The following PDE3A variants were observed in gnomAD, a reference collection of about 807,000 sequenced individuals.
The protein encoded by PDE3A is cGMP-inhibited 3',5'-cyclic phosphodiesterase 3A.
In PDE3A, 43 loss-of-function variants were observed where a neutral mutation model predicts 98.3. The ratio of observed to expected loss-of-function variants is 0.44; its 90% CI spans 0.34 to 0.56. The LOEUF is 0.56. PDE3A is among the 20% of genes least tolerant of loss of function. The pLI, the probability that PDE3A is intolerant of heterozygous loss-of-function variation, is 0.01. For synonymous variants in PDE3A, 663 were observed against 567.9 expected, an observed-to-expected ratio of 1.17 and a Z score of -2.38; for missense variants, 1,427 against 1,440.7, an observed-to-expected ratio of 0.99 and a Z score of 0.15.
intron 15 of PDE3A, among the ~76,000 whole-genome samples, chr12:20,662,190 C>T (rs1189731690): frequency 2.0e-5 from 3 of 152,110 alleles, no homozygotes; most frequent in East Asian, 1.9e-4. Context: ...AGCATGAAAA[C>T]GGACTAATAT....
At chr12:20,508,046 G>A (rs2121105648) in intron 1 of PDE3A, among the ~76,000 whole-genome samples, 1 of 152,076 alleles carries the variant, frequency 6.6e-6, no homozygotes, top group South Asian at 2.1e-4. Context: ...TTTTGTCTTT[G>A]TCATTACCTC....
At chr12:20,478,990 T>C (rs1251462260) in intron 1 of PDE3A, among the ~76,000 whole-genome samples, 3 of 152,210 alleles carry the variant, frequency 2.0e-5, no homozygotes, top group Non-Finnish European at 1.5e-5. Flanking sequence ...AATATATACT[T>C]TGTGACATTT....
chr12:20,687,260 T>G lies in PDE3A; in HGVS notation c.*6989T>G, dbSNP rs189027425. On this transcript the variant is annotated 3_prime_UTR_variant, in exon 16 of 16. Transcript: ENST00000359062. ...TTTCTTTTTAAAATTCCCAACTGAT[T>G]ATGGGTCAAAAACTCCATCTTATAT... is the stretch of plus-strand genomic sequence containing the variant. 1.3e-5 allele frequency among the ~76,000 whole-genome samples: 2 copies of G among 152,188 alleles called. No homozygotes were observed. The highest frequency in any genetic ancestry group is 1.3e-4 in the Admixed American group (2 of 15,282).
At chr12:20,438,677 A>G (rs917105554) in intron 1 of PDE3A, among the ~76,000 whole-genome samples, 5 of 152,020 alleles carry the variant, frequency 3.3e-5, no homozygotes, top group African/African-American at 1.2e-4. Flanking sequence ...GAGTCCAGAG[A>G]TGTGCCTTGC....
At chr12:20,437,845 C>T (rs2120828779) in intron 1 of PDE3A, among the ~76,000 whole-genome samples, 1 of 152,202 alleles carries the variant, frequency 6.6e-6, no homozygotes, top group East Asian at 1.9e-4. Context: ...TACATTTTAT[C>T]CTAGTAGACA....
At chr12:20,402,780 A>T (rs1013345389) in intron 1 of PDE3A, among the ~76,000 whole-genome samples, 3 of 152,168 alleles carry the variant, frequency 2.0e-5, no homozygotes, top group African/African-American at 7.2e-5. Context: ...TGGCTGAAAA[A>T]TAGGTCTGTA....
At chr12:20,491,364 G>A (rs1237978563) in intron 1 of PDE3A, among the ~76,000 whole-genome samples, 1 of 152,130 alleles carries the variant, frequency 6.6e-6, no homozygotes, top group Non-Finnish European at 1.5e-5. Flanking sequence ...TTCTGGGAAC[G>A]GGCAGAGAAC....
chr12:20,639,773 A>G, intron 9 of PDE3A, 73 bp from the exon 10 acceptor site: 1 of 699,124 alleles, frequency 1.4e-6, no homozygotes, highest in Non-Finnish European at 2.6e-6. Flanking sequence ...ATATTTACCT[A>G]GTTTCACCAC....
intron 1 of PDE3A, among the ~76,000 whole-genome samples, chr12:20,550,545 T>C (rs1471462961): frequency 6.6e-6 from 1 of 152,090 alleles, no homozygotes; most frequent in Non-Finnish European, 1.5e-5. Flanking sequence ...ATTTTTGAGA[T>C]GATATAATGC....
At chr12:20,389,923 A>G (rs1407258209) in intron 1 of PDE3A, among the ~76,000 whole-genome samples, 2 of 151,926 alleles carry the variant, frequency 1.3e-5, no homozygotes, top group Non-Finnish European at 2.9e-5. Context: ...AGTACAATAT[A>G]AAGAATGTAT....
chr12:20,473,987 G>A (rs1591968771), intron 1 of PDE3A, among the ~76,000 whole-genome samples: 1 of 152,018 alleles, frequency 6.6e-6, no homozygotes, highest in African/African-American at 2.4e-5. Context: ...ATTTCTCTAA[G>A]GCATATACCT....
intron 1 of PDE3A, among the ~76,000 whole-genome samples, chr12:20,528,379 A>G (rs80067368): frequency 0.031 from 4,789 of 152,278 alleles, 107 homozygotes; most frequent in Middle Eastern, 0.12. Flanking sequence ...TCTGATGGTG[A>G]CAATTCGGTA....
At position 20,681,464 on chromosome 12, in the gene PDE3A, G is replaced by A. The variant is rs1945781196; in HGVS notation, c.*1193G>A. 1 of 152,160 alleles carries A rather than the reference G, an allele frequency of 6.6e-6. No homozygotes were observed. The highest frequency in any genetic ancestry group is 3.2e-3 in the Middle Eastern group (1 of 314). The allele number at this position is 152,160 out of a possible 1,614,324, so 9.4% of individuals were successfully genotyped here. A position where few individuals can be genotyped will look rare whatever the true frequency, so the allele number is the denominator to read the frequency against. On this transcript the variant is annotated 3_prime_UTR_variant, in exon 16 of 16. Coordinates refer to ENST00000359062, the MANE Select transcript of PDE3A (RefSeq NM_000921.5). The stretch of plus-strand genomic sequence containing the variant: ...AAAAGGAAACAGAAAAATCACTCTG[G>A]GTTATATAGCAAGAGATGAAGGAGA...
At chr12:20,635,088 C>A in intron 8 of PDE3A, 32 bp downstream of exon 8, 1 of 1,567,948 alleles carries the variant, frequency 6.4e-7, no homozygotes. Flanking sequence ...CACTCATTTA[C>A]TTGAGAGATG....
chr12:20,611,936 G>A (rs1364134531), intron 2 of PDE3A, among the ~76,000 whole-genome samples: 1 of 151,498 alleles, frequency 6.6e-6, no homozygotes. Flanking sequence ...TATCTCGGTT[G>A]TCGTTGCCAG....
At chr12:20,523,646 G>A (rs1467644325) in intron 1 of PDE3A, among the ~76,000 whole-genome samples, 4 of 152,116 alleles carry the variant, frequency 2.6e-5, no homozygotes, top group African/African-American at 9.7e-5. Context: ...GATATTTTCT[G>A]ATTTGAATAC....
At chr12:20,371,014 T>A (rs1189333874) in intron 1 of PDE3A, among the ~76,000 whole-genome samples, 1 of 152,216 alleles carries the variant, frequency 6.6e-6, no homozygotes, top group Non-Finnish European at 1.5e-5. Flanking sequence ...CATACTTAAG[T>A]GGATATTTAT....
chr12:20,546,220 G>A (rs903681062), intron 1 of PDE3A, among the ~76,000 whole-genome samples: 9 of 152,014 alleles, frequency 5.9e-5, no homozygotes, highest in Admixed American at 5.9e-4. Context: ...CTGGAGGGCT[G>A]ATAAACAGTA....
chr12:20,618,605 A>G (rs1944063839), intron 4 of PDE3A, among the ~76,000 whole-genome samples: 1 of 152,110 alleles, frequency 6.6e-6, no homozygotes, highest in Non-Finnish European at 1.5e-5. Flanking sequence ...CTGTGTTCTT[A>G]GAGGCAAGTC....
Sources: allele counts gnomAD v4.1 joint callset (sites outside exome capture counted in the v4.1 genomes callset), GRCh38; gene constraint gnomAD v4.1.1; transcripts MANE v1.5; gene names NCBI Gene and HGNC (gene_info 2026-07-23, HGNC 2026-07-21).